Variants in PDE8B observed in about 807,000 individuals in gnomAD.
The protein encoded by PDE8B is phosphodiesterase 8B.
PDE8B carries 26 observed loss-of-function variants against 101.3 expected under a neutral mutation model. That is an observed-to-expected ratio of 0.26 (90% CI 0.19 to 0.36). The LOEUF (loss-of-function observed/expected upper bound fraction) is 0.36. PDE8B is among the 10% of genes least tolerant of loss of function. The pLI, the probability that PDE8B is intolerant of heterozygous loss-of-function variation, is 1.00. For missense variants in PDE8B, 810 were observed against 1,163.1 expected (o/e 0.70, Z 4.42); for synonymous variants, 424 against 429.3 (o/e 0.99, Z 0.15).
chr5:77,139,034 G>T, the PDE8B span, among the ~76,000 whole-genome samples: 56 of 152,188 alleles, frequency 3.7e-4, no homozygotes, highest in African/African-American at 1.3e-3. Context: ...TGACTCCCAC[G>T]GCCCCTCCTG....
chr5:77,275,342 G>T (rs1327934149), intron 1 of PDE8B, among the ~76,000 whole-genome samples: 4 of 152,074 alleles, frequency 2.6e-5, no homozygotes, highest in African/African-American at 9.7e-5. Flanking sequence ...AATCTGTTTA[G>T]GTTTGCCCAT....
chr5:77,137,375 GA>G, the PDE8B span, among the ~76,000 whole-genome samples: 1 of 152,176 alleles, frequency 6.6e-6, no homozygotes, highest in Non-Finnish European at 1.5e-5. Flanking sequence ...AGCTGGGAAA[GA>G]GCTCTTTTCC....
the PDE8B span, among the ~76,000 whole-genome samples, chr5:77,159,102 G>A: frequency 7.2e-5 from 11 of 152,064 alleles, no homozygotes; most frequent in Non-Finnish European, 1.3e-4. Flanking sequence ...TGACTATGTC[G>A]CCCTCTACCA....
the PDE8B span, among the ~76,000 whole-genome samples, chr5:77,110,758 A>T: frequency 6.6e-6 from 1 of 152,160 alleles, no homozygotes; most frequent in Non-Finnish European, 1.5e-5. Context: ...TGAATCATGG[A>T]ACCAGAGAGA....
chr5:77,399,214 G>A (rs1791715253), intron 10 of PDE8B, among the ~76,000 whole-genome samples: 1 of 152,240 alleles, frequency 6.6e-6, no homozygotes, highest in Non-Finnish European at 1.5e-5. Context: ...AGGATTTACG[G>A]TAAGTACATG....
At chr5:77,302,393 G>T (rs1770167428) in intron 1 of PDE8B, among the ~76,000 whole-genome samples, 1 of 152,192 alleles carries the variant, frequency 6.6e-6, no homozygotes, top group Non-Finnish European at 1.5e-5. Flanking sequence ...TGGGTAGGGG[G>T]CAGTGTAAGA....
intron 2 of PDE8B, among the ~76,000 whole-genome samples, chr5:77,321,337 G>A (rs1321360753): frequency 6.6e-6 from 1 of 151,902 alleles, no homozygotes. Flanking sequence ...TTTTGGTAGA[G>A]ACAGGGTTTC....
chr5:77,096,393 A>G, the PDE8B span, among the ~76,000 whole-genome samples: 1 of 152,268 alleles, frequency 6.6e-6, no homozygotes, highest in Admixed American at 6.5e-5. Flanking sequence ...CATGCCTACT[A>G]TAACAGAACA....
chr5:77,268,314 C>T (rs1261397873), intron 1 of PDE8B, among the ~76,000 whole-genome samples: 2 of 152,012 alleles, frequency 1.3e-5, no homozygotes, highest in African/African-American at 4.8e-5. Context: ...ATAATCACAT[C>T]GGGGTAAATG....
chr5:77,336,321 A>G (rs964083862), intron 5 of PDE8B, among the ~76,000 whole-genome samples: 8 of 152,202 alleles, frequency 5.3e-5, no homozygotes, highest in Admixed American at 4.6e-4. Context: ...ACCTGTTGCA[A>G]AACAAACAAG....
intron 9 of PDE8B, among the ~76,000 whole-genome samples, chr5:77,352,748 A>C (rs1298519723): frequency 6.6e-6 from 1 of 152,142 alleles, no homozygotes; most frequent in Non-Finnish European, 1.5e-5. Context: ...ATTGACTGTG[A>C]GCTGATTTTT....
intron 10 of PDE8B, among the ~76,000 whole-genome samples, chr5:77,356,797 C>T (rs1377347467): frequency 6.6e-6 from 1 of 152,154 alleles, no homozygotes; most frequent in African/African-American, 2.4e-5. Context: ...ATGTGGTTTG[C>T]ATGTGTGGCT....
At chr5:77,344,599 G>T (rs1003459732) in intron 6 of PDE8B, among the ~76,000 whole-genome samples, 1 of 152,124 alleles carries the variant, frequency 6.6e-6, no homozygotes, top group African/African-American at 2.4e-5. Context: ...CTTTAATAAA[G>T]GCATTAATCC....
the PDE8B span, among the ~76,000 whole-genome samples, chr5:77,164,760 G>T: frequency 3.9e-5 from 6 of 152,148 alleles, no homozygotes; most frequent in Non-Finnish European, 8.8e-5. Context: ...ATGTGTGTTG[G>T]GGGGAACATG....
chr5:77,365,237 T>G (rs575808158), intron 10 of PDE8B, among the ~76,000 whole-genome samples: 1 of 152,064 alleles, frequency 6.6e-6, no homozygotes, highest in Admixed American at 6.5e-5. Context: ...TCTGATAGAT[T>G]GGGTCTGGGG....
At chr5:77,249,655 A>G (rs1224674920) in intron 1 of PDE8B, among the ~76,000 whole-genome samples, 2 of 152,262 alleles carry the variant, frequency 1.3e-5, no homozygotes, top group Non-Finnish European at 2.9e-5. Context: ...GCAATATGCC[A>G]CATTTGCAGC....
chr5:77,095,316 C>T, the PDE8B span, among the ~76,000 whole-genome samples: 1 of 152,196 alleles, frequency 6.6e-6, no homozygotes, highest in Non-Finnish European at 1.5e-5. Flanking sequence ...CTTGACTGGT[C>T]TGCTTTTGCT....
At chr5:77,178,235 T>C in the PDE8B span, among the ~76,000 whole-genome samples, 1 of 152,196 alleles carries the variant, frequency 6.6e-6, no homozygotes, top group Admixed American at 6.5e-5. Flanking sequence ...CATCTCTTTG[T>C]TGTTTTTTTC....
chr5:77,198,449 T>C, the PDE8B span, among the ~76,000 whole-genome samples: 12 of 152,206 alleles, frequency 7.9e-5, no homozygotes, highest in Admixed American at 3.9e-4. Flanking sequence ...CTTTCTGAAA[T>C]ACTGCCCCAT....
Sources: allele counts gnomAD v4.1 joint callset (sites outside exome capture counted in the v4.1 genomes callset), GRCh38; gene constraint gnomAD v4.1.1; transcripts MANE v1.5; gene names NCBI Gene and HGNC (gene_info 2026-07-23, HGNC 2026-07-21).